The following RBFOX1 variants were observed in gnomAD, a reference collection of about 807,000 sequenced individuals.
RBFOX1 encodes RNA binding fox-1 homolog 1, also known as RNA binding protein fox-1 homolog 1.
RBFOX1 carries 8 observed loss-of-function variants against 57.7 expected under a neutral mutation model. The observed-to-expected ratio is 0.14, with a 90% confidence interval of 0.08 to 0.25. RBFOX1 has a LOEUF of 0.25. Among genes scored for constraint, RBFOX1 ranks in the 10% least tolerant of loss-of-function variants. RBFOX1 has a pLI of 1.00. For missense variants in RBFOX1, 611 were observed against 548.5 expected (o/e 1.11, Z -1.14); for synonymous variants, 326 against 222.4 (o/e 1.47, Z -4.15).
chr16:5,827,919 A>C, intron 3 of RBFOX1, among the ~76,000 whole-genome samples: 1 of 144,094 alleles, frequency 6.9e-6, no homozygotes, highest in Admixed American at 6.9e-5. Flanking sequence ...CCATCCATCC[A>C]CCCATCCACC....
At chr16:6,494,322 G>A (rs577813330) in intron 2 of RBFOX1, among the ~76,000 whole-genome samples, 3 of 152,300 alleles carry the variant, frequency 2.0e-5, no homozygotes, top group South Asian at 4.1e-4. Flanking sequence ...AAGGTACTGA[G>A]CAGTTCCATC....
At chr16:7,409,127 C>T (rs1301725374) in intron 4 of RBFOX1, among the ~76,000 whole-genome samples, 1 of 152,222 alleles carries the variant, frequency 6.6e-6, no homozygotes, top group Non-Finnish European at 1.5e-5. Flanking sequence ...GCCAGATCAG[C>T]AGAATCCGGC....
At position 6,256,179 on chromosome 16, in the gene RBFOX1, A is replaced by ACG. The variant is rs1567787776; in HGVS notation, c.-126-60816_-126-60815insCG. Among the ~76,000 whole-genome samples, 9 of 22,410 alleles carry ACG rather than the reference A, an allele frequency of 4.0e-4. No homozygotes were observed. In the East Asian group the frequency reaches 0.021, roughly 52 times the overall value. The allele number at this position is 22,410 out of a possible 152,430, so 14.7% of individuals were successfully genotyped here. A position where few individuals can be genotyped will look rare whatever the true frequency, so the allele number is the denominator to read the frequency against. The stretch of plus-strand genomic sequence containing the variant: ...TATATGTATATATATATGTATATAT[A>ACG]TATATACGTATATATATGTATATGT... On this transcript the variant is annotated intron_variant, in intron 1 of 15. Coordinates refer to ENST00000550418, the MANE Select transcript of RBFOX1 (RefSeq NM_018723.4).
intron 3 of RBFOX1, among the ~76,000 whole-genome samples, chr16:6,713,806 A>T (rs1603451370): frequency 6.6e-6 from 1 of 152,086 alleles, no homozygotes. Flanking sequence ...CTTCTGGAAA[A>T]GCTTTTTTAG....
intron 2 of RBFOX1, among the ~76,000 whole-genome samples, chr16:5,589,866 C>T (rs2046949758): frequency 6.6e-6 from 1 of 152,134 alleles, no homozygotes; most frequent in Non-Finnish European, 1.5e-5. Flanking sequence ...CCTTGGCCTG[C>T]AGAGGGTTGC....
intron 4 of RBFOX1, among the ~76,000 whole-genome samples, chr16:7,230,856 T>G (rs1173657728): frequency 6.6e-6 from 1 of 152,224 alleles, no homozygotes; most frequent in Non-Finnish European, 1.5e-5. Flanking sequence ...GGGCAGCTCA[T>G]TTTATTCCTG....
intron 4 of RBFOX1, among the ~76,000 whole-genome samples, chr16:7,257,202 A>G (rs1465489503): frequency 6.6e-6 from 1 of 152,054 alleles, no homozygotes; most frequent in African/African-American, 2.4e-5. Flanking sequence ...CTTAATCGCT[A>G]ACATCTTCCC....
intron 3 of RBFOX1, among the ~76,000 whole-genome samples, chr16:6,807,955 A>C (rs891685946): frequency 1.3e-5 from 2 of 149,318 alleles, no homozygotes; most frequent in African/African-American, 5.0e-5. Context: ...TAATATATGC[A>C]TTATATATAA....
chr16:6,700,037 G>C (rs1022899783), intron 3 of RBFOX1, among the ~76,000 whole-genome samples: 3 of 152,094 alleles, frequency 2.0e-5, no homozygotes, highest in South Asian at 2.1e-4. Flanking sequence ...CGATTGGCAA[G>C]AAAAAGCTTA....
chr16:7,217,140 T>C (rs1228912442), intron 4 of RBFOX1, among the ~76,000 whole-genome samples: 1 of 149,700 alleles, frequency 6.7e-6, no homozygotes, highest in East Asian at 2.0e-4. Flanking sequence ...AGTCTTGCTC[T>C]GTCGCTCAGG....
chr16:5,905,441 G>T lies in RBFOX1; in HGVS notation c.351+38106G>T, dbSNP rs546509659. Among the ~76,000 whole-genome samples, 4 of 152,254 alleles carry T rather than the reference G, an allele frequency of 2.6e-5. No homozygotes were observed. The South Asian group carries it at 6.2e-4, about 24-fold the overall frequency. Reference sequence around the variant, plus strand: ...GAAGACACACAGAAGGCCAGGCGCAGTGGCTCTTGCCTGTAATCCCAGCAT... The same window carrying T: ...GAAGACACACAGAAGGCCAGGCGCATTGGCTCTTGCCTGTAATCCCAGCAT... On this transcript the variant is annotated intron_variant, in intron 4 of 19. Transcript: ENST00000641259.
At chr16:5,429,499 T>A (rs1289021737) in intron 1 of RBFOX1, among the ~76,000 whole-genome samples, 1 of 152,204 alleles carries the variant, frequency 6.6e-6, no homozygotes, top group African/African-American at 2.4e-5. Context: ...TTGAGGGGCC[T>A]GTGGGGTCCT....
Position 5,561,316 on chromosome 16 carries a change from C to G in RBFOX1, c.259-37586C>G, listed in dbSNP as rs143899450. ...AATTAGTTGGAATCAATATGTATTT[C>G]AGATACTTATAATTAGGTGTCAGCA... On this transcript the variant is annotated intron_variant, in intron 2 of 2. Transcript: ENST00000585867. Among the ~76,000 whole-genome samples the G allele has an allele frequency of 4.6e-5, 7 of 152,218 alleles. No individual in the cohort carries two copies. In the East Asian group the frequency reaches 1.4e-3, roughly 29 times the overall value.
chr16:6,190,877 G>A (rs2097137176), intron 1 of RBFOX1, among the ~76,000 whole-genome samples: 1 of 152,140 alleles, frequency 6.6e-6, no homozygotes, highest in Non-Finnish European at 1.5e-5. Flanking sequence ...TGTACCATAT[G>A]CCTCTCCATC....
At chr16:7,105,634 C>T (rs1210501956) in intron 4 of RBFOX1, among the ~76,000 whole-genome samples, 1 of 152,070 alleles carries the variant, frequency 6.6e-6, no homozygotes, top group Non-Finnish European at 1.5e-5. Flanking sequence ...CTGCGAATGC[C>T]ATTGACCCAT....
intron 7 of RBFOX1, among the ~76,000 whole-genome samples, chr16:7,593,220 T>G (rs754357332): frequency 2.0e-5 from 3 of 152,172 alleles, no homozygotes; most frequent in Non-Finnish European, 4.4e-5. Flanking sequence ...TGGACTCCAG[T>G]CTGGGATTCT....
At chr16:7,551,897 C>A (rs1421694901) in intron 5 of RBFOX1, among the ~76,000 whole-genome samples, 1 of 152,128 alleles carries the variant, frequency 6.6e-6, no homozygotes, top group East Asian at 1.9e-4. Context: ...TTCTGTATGA[C>A]ATTAGGATAA....
At chr16:5,558,214 G>A (rs1316649497) in intron 2 of RBFOX1, among the ~76,000 whole-genome samples, 1 of 152,188 alleles carries the variant, frequency 6.6e-6, no homozygotes, top group African/African-American at 2.4e-5. Context: ...CTGCCCTTGT[G>A]ATAAGGCCGA....
chr16:6,175,984 G>T (rs2097003746), intron 1 of RBFOX1, among the ~76,000 whole-genome samples: 1 of 152,100 alleles, frequency 6.6e-6, no homozygotes, highest in Admixed American at 6.6e-5. Context: ...GTTTGGAGAT[G>T]AGTCCTAGGT....
Sources: gnomAD v4.1 joint callset for allele counts (sites outside exome capture counted in the v4.1 genomes callset) on GRCh38, gnomAD v4.1.1 for gene constraint, MANE v1.5 for transcripts, NCBI Gene and HGNC (gene_info 2026-07-23, HGNC 2026-07-21) for gene names.